Variants in ATXN7L1 observed in about 807,000 individuals in gnomAD.
ATXN7L1 encodes the protein ataxin 7 like 1, also known as ataxin-7-like protein 1.
In ATXN7L1, 15 loss-of-function variants were observed where a neutral mutation model predicts 70.8. That is an observed-to-expected ratio of 0.21 (90% CI 0.14 to 0.33). The LOEUF is 0.33. Among genes scored for constraint, ATXN7L1 ranks in the 10% least tolerant of loss-of-function variants. The pLI, the probability that ATXN7L1 is intolerant of heterozygous loss-of-function variation, is 1.00. For missense variants in ATXN7L1, 975 were observed against 1,097.1 expected (o/e 0.89, Z 1.57); for synonymous variants, 440 against 445.1 (o/e 0.99, Z 0.14).
intron 2 of ATXN7L1, among the ~76,000 whole-genome samples, chr7:105,812,038 T>C (rs1808502455): frequency 6.6e-6 from 1 of 152,174 alleles, no homozygotes; most frequent in Admixed American, 6.5e-5. Flanking sequence ...AGAGCTCCCC[T>C]GCCTTGTGAA....
intron 2 of ATXN7L1, chr7:105,819,795 C>T: frequency 1.5e-6 from 1 of 663,384 alleles, no homozygotes; most frequent in Non-Finnish European, 2.9e-6. Flanking sequence ...TGGAGCGCCT[C>T]AAGGTGTTTG....
chr7:105,699,686 T>G (rs1489328889), intron 3 of ATXN7L1, among the ~76,000 whole-genome samples: 1 of 152,188 alleles, frequency 6.6e-6, no homozygotes, highest in Admixed American at 6.5e-5. Context: ...TAAAAAGCAC[T>G]GTGATCTCTT....
At chr7:105,726,428 GT>G (rs1412623900) in intron 3 of ATXN7L1, among the ~76,000 whole-genome samples, 1 of 152,164 alleles carries the variant, frequency 6.6e-6, no homozygotes, top group Non-Finnish European at 1.5e-5. Context: ...GTCCCTTAGT[GT>G]GAACAAACCA....
intron 3 of ATXN7L1, among the ~76,000 whole-genome samples, chr7:105,741,468 C>T (rs1437790278): frequency 2.6e-5 from 4 of 152,166 alleles, no homozygotes; most frequent in African/African-American, 2.4e-5. Context: ...TTGAGCTTGA[C>T]GTTCTTTTCT....
chr7:105,831,496 G>A (rs1379610453), intron 2 of ATXN7L1, among the ~76,000 whole-genome samples: 1 of 152,180 alleles, frequency 6.6e-6, no homozygotes, highest in African/African-American at 2.4e-5. Context: ...AAAAGGTCGT[G>A]GCCGAGGAAC....
chr7:105,809,845 A>T (rs1808165886), intron 2 of ATXN7L1, among the ~76,000 whole-genome samples: 1 of 151,630 alleles, frequency 6.6e-6, no homozygotes, highest in Non-Finnish European at 1.5e-5. Context: ...ATCATAGCTC[A>T]CTGTAGCTTT....
At chr7:105,757,648 C>T (rs1799974792) in intron 3 of ATXN7L1, among the ~76,000 whole-genome samples, 1 of 144,478 alleles carries the variant, frequency 6.9e-6, no homozygotes. Flanking sequence ...GGCACGGTCA[C>T]AGCTCACTAC....
intron 3 of ATXN7L1, chr7:105,761,352 G>A (rs769278152): frequency 1.2e-6 from 2 of 1,613,654 alleles, no homozygotes; most frequent in East Asian, 2.2e-5. Flanking sequence ...TTCAGAAGTT[G>A]TACGTCTCTT....
At chr7:105,793,808 C>T (rs966888705) in intron 2 of ATXN7L1, among the ~76,000 whole-genome samples, 1 of 152,218 alleles carries the variant, frequency 6.6e-6, no homozygotes, top group African/African-American at 2.4e-5. Context: ...TGGTCACCCC[C>T]TGGCCTGATC....
chr7:105,727,767 T>TATATATATATAATATATATATA, intron 3 of ATXN7L1, among the ~76,000 whole-genome samples: 1 of 100,276 alleles, frequency 1.0e-5, no homozygotes, highest in African/African-American at 4.0e-5. Flanking sequence ...TATATATATA[T>TATATATATATAATATATATATA]ATATATATAT....
At chr7:105,770,543 C>G (rs903321623) in intron 3 of ATXN7L1, among the ~76,000 whole-genome samples, 2 of 152,142 alleles carry the variant, frequency 1.3e-5, no homozygotes, top group Non-Finnish European at 2.9e-5. Context: ...GACACAGTGA[C>G]AGGCCTGAGA....
In ATXN7L1 at chr7:105,628,515, C is replaced by T. The variant is rs560756475; in HGVS notation, c.1203-4248G>A. Among the ~76,000 whole-genome samples, 9 of 151,964 alleles carry T rather than the reference C, an allele frequency of 5.9e-5. No individual in the cohort carries two copies. In the South Asian group the frequency reaches 1.7e-3, roughly 28 times the overall value. On this transcript the variant is annotated intron_variant, in intron 7 of 11. Coordinates refer to ENST00000419735, the MANE Select transcript of ATXN7L1 (RefSeq NM_020725.2). ...ACATAAATAAAATTGTGTGGCCGGG[C>T]GCAGTGGCTCACGTTTGTAATCCCA...
At chr7:105,708,249 C>T (rs1438827043) in intron 3 of ATXN7L1, among the ~76,000 whole-genome samples, 2 of 152,166 alleles carry the variant, frequency 1.3e-5, no homozygotes, top group Non-Finnish European at 2.9e-5. Context: ...AAGTTACTAA[C>T]CTCTCGGGCC....
chr7:105,615,333 C>T (rs73717206), intron 9 of ATXN7L1, among the ~76,000 whole-genome samples: 4,988 of 152,188 alleles, frequency 0.033, 271 homozygotes, highest in African/African-American at 0.11. Flanking sequence ...CAGAGACTCT[C>T]GGGGCTTTCC....
chr7:105,638,035 C>T (rs1050136455), intron 7 of ATXN7L1, among the ~76,000 whole-genome samples: 1 of 152,130 alleles, frequency 6.6e-6, no homozygotes, highest in African/African-American at 2.4e-5. Flanking sequence ...TATTTATTTC[C>T]AGCTTACTCT....
chr7:105,772,508 T>C (rs916724650), intron 3 of ATXN7L1, among the ~76,000 whole-genome samples: 4 of 151,898 alleles, frequency 2.6e-5, no homozygotes, highest in African/African-American at 9.7e-5. Context: ...CCAAAGAAAA[T>C]TGAATAGCAA....
chr7:105,653,666 G>A (rs1157730871), intron 4 of ATXN7L1, among the ~76,000 whole-genome samples: 4 of 152,106 alleles, frequency 2.6e-5, no homozygotes, highest in East Asian at 3.8e-4. Flanking sequence ...AGCCACCAAC[G>A]CAAATCTGAC....
At chr7:105,621,425 G>A (rs886424415) in intron 8 of ATXN7L1, among the ~76,000 whole-genome samples, 41 of 152,114 alleles carry the variant, frequency 2.7e-4, no homozygotes, top group African/African-American at 9.4e-4. Flanking sequence ...TACCTGATTC[G>A]ACTATCAGTG....
At chr7:105,622,510 G>A (rs1252674817) in intron 8 of ATXN7L1, among the ~76,000 whole-genome samples, 1 of 152,208 alleles carries the variant, frequency 6.6e-6, no homozygotes, top group East Asian at 1.9e-4. Flanking sequence ...CCTACTGGTT[G>A]CCAACCTCAC....
Sources: gnomAD v4.1 joint callset for allele counts (sites outside exome capture counted in the v4.1 genomes callset) on GRCh38, gnomAD v4.1.1 for gene constraint, MANE v1.5 for transcripts, NCBI Gene and HGNC (gene_info 2026-07-23, HGNC 2026-07-21) for gene names.